The following KCNG2 variants were observed in gnomAD, a reference collection of about 807,000 sequenced individuals.
The protein encoded by KCNG2 is voltage-gated potassium channel regulatory subunit KCNG2.
A neutral mutation model predicts 12.3 loss-of-function variants in KCNG2; 7 were observed. The observed-to-expected ratio is 0.57, with a 90% CI of 0.32 to 1.07. KCNG2 has a LOEUF of 1.07. Ranked by LOEUF, KCNG2 falls within the 50% of genes least tolerant of loss-of-function variation. The probability of loss-of-function intolerance (pLI) is 0.04; values close to 1 mark genes in which losing one functional copy is unlikely to be tolerated. For missense variants in KCNG2, 703 were observed against 726.0 expected (o/e 0.97, Z 0.36); for synonymous variants, 414 against 351.4 (o/e 1.18, Z -1.99).
At chr18:79,806,183 C>T (rs558834197) in intron 1 of KCNG2, among the ~76,000 whole-genome samples, 28 of 152,180 alleles carry the variant, frequency 1.8e-4, no homozygotes, top group Non-Finnish European at 2.9e-4. Flanking sequence ...ATCCAGCCCA[C>T]GAAGCTCACA....
intron 3 of KCNG2, among the ~76,000 whole-genome samples, chr18:79,895,313 T>C (rs1052277778): frequency 3.3e-5 from 5 of 152,044 alleles, no homozygotes; most frequent in African/African-American, 1.2e-4. Flanking sequence ...TCCATTCACA[T>C]TTAATGTTAC....
intron 1 of KCNG2, among the ~76,000 whole-genome samples, chr18:79,842,134 C>A (rs1406402552): frequency 2.6e-5 from 4 of 152,198 alleles, no homozygotes; most frequent in Non-Finnish European, 5.9e-5. Context: ...CAGGCCTACC[C>A]CAGCACAAGG....
intron 1 of KCNG2, among the ~76,000 whole-genome samples, chr18:79,801,357 TC>T (rs2122984649): frequency 6.6e-6 from 1 of 152,300 alleles, no homozygotes; most frequent in African/African-American, 2.4e-5. Context: ...TGCGTCCTCC[TC>T]CCCCGAGGGG....
At position 79,809,407 on chromosome 18, in the gene KCNG2, A is replaced by G. The variant is rs372032831; in HGVS notation, c.-115+11393A>G. On this transcript the variant is annotated intron_variant, in intron 1 of 3. Transcript: ENST00000316249. ...CGCTCTGAGGAGCTGCCGGGGACAC[A>G]CTGACCACACTCCACGTTACGGTCC... is the stretch of plus-strand genomic sequence containing the variant. Among the ~76,000 whole-genome samples, 17 of 140,302 alleles carry G rather than the reference A, an allele frequency of 1.2e-4. No individual in the cohort carries two copies. The East Asian group carries it at 2.3e-3, about 19-fold the overall frequency. The allele number at this position is 140,302 out of a possible 152,430, so 92.0% of individuals were successfully genotyped here. A position where few individuals can be genotyped will look rare whatever the true frequency, so the allele number is the denominator to read the frequency against.
intron 3 of KCNG2, among the ~76,000 whole-genome samples, chr18:79,892,095 A>G (rs1469477141): frequency 6.7e-6 from 1 of 149,048 alleles, no homozygotes; most frequent in East Asian, 2.0e-4. Flanking sequence ...AGCCTGGATG[A>G]CAGAGCAAGA....
At chr18:79,826,570 G>A (rs1349993847) in intron 1 of KCNG2, among the ~76,000 whole-genome samples, 5 of 145,900 alleles carry the variant, frequency 3.4e-5, no homozygotes, top group African/African-American at 7.8e-5. Flanking sequence ...CTCACGGAAG[G>A]TTAAGTTCGG....
intron 1 of KCNG2, among the ~76,000 whole-genome samples, chr18:79,840,930 T>C (rs1978441346): frequency 6.6e-6 from 1 of 152,016 alleles, no homozygotes; most frequent in African/African-American, 2.4e-5. Flanking sequence ...AAAAATTAAC[T>C]CAAAATGGAT....
At chr18:79,898,984 G>T in intron 3 of KCNG2, 56 bp from the exon 4 acceptor site, 1 of 1,323,306 alleles carries the variant, frequency 7.6e-7, no homozygotes, top group Non-Finnish European at 1.0e-6. Context: ...AGGGCAAGGC[G>T]CCCCCGGCCC....
chr18:79,836,377 G>A (rs1978325285), intron 1 of KCNG2, among the ~76,000 whole-genome samples: 1 of 152,158 alleles, frequency 6.6e-6, no homozygotes, highest in Non-Finnish European at 1.5e-5. Context: ...GTGAACCAAA[G>A]GATGACAGAG....
intron 1 of KCNG2, among the ~76,000 whole-genome samples, chr18:79,855,682 G>A (rs528025309): frequency 1.1e-4 from 17 of 151,910 alleles, no homozygotes; most frequent in Non-Finnish European, 1.9e-4. Flanking sequence ...ATCACCCTCC[G>A]TGGAGGGGAC....
At chr18:79,818,922 G>A (rs1017129136) in intron 1 of KCNG2, among the ~76,000 whole-genome samples, 2 of 152,210 alleles carry the variant, frequency 1.3e-5, no homozygotes, top group Admixed American at 6.5e-5. Context: ...CACTGAGCTC[G>A]CCTGTGAGAT....
intron 1 of KCNG2, among the ~76,000 whole-genome samples, chr18:79,842,688 C>T (rs1035105177): frequency 2.6e-5 from 4 of 152,166 alleles, no homozygotes; most frequent in African/African-American, 9.6e-5. Context: ...AAGACCCAAA[C>T]AGAAATTCTG....
At chr18:79,863,240 G>A (rs531816402) in intron 2 of KCNG2, among the ~76,000 whole-genome samples, 2 of 152,364 alleles carry the variant, frequency 1.3e-5, no homozygotes, top group East Asian at 3.9e-4. Flanking sequence ...ACTAAGCTAG[G>A]ACTGCGTCTC....
chr18:79,868,843 G>A (rs916786316), intron 3 of KCNG2, among the ~76,000 whole-genome samples: 12 of 152,232 alleles, frequency 7.9e-5, no homozygotes, highest in Non-Finnish European at 1.0e-4. Flanking sequence ...GCTGAGGGAC[G>A]GCAGTGGGAC....
chr18:79,840,404 C>A (rs557544461), intron 1 of KCNG2, among the ~76,000 whole-genome samples: 34 of 152,158 alleles, frequency 2.2e-4, no homozygotes, highest in African/African-American at 8.2e-4. Context: ...ATGAGTCTAG[C>A]AATACACATA....
chr18:79,897,279 T>G (rs752121741), intron 3 of KCNG2, among the ~76,000 whole-genome samples: 3 of 152,222 alleles, frequency 2.0e-5, no homozygotes, highest in Non-Finnish European at 4.4e-5. Context: ...CTCTCTATTC[T>G]TCAGCATAAT....
chr18:79,846,743 T>C (rs1741370508), intron 1 of KCNG2, among the ~76,000 whole-genome samples: 1 of 152,236 alleles, frequency 6.6e-6, no homozygotes, highest in Non-Finnish European at 1.5e-5. Context: ...TCAGCTGCAG[T>C]CGTATGCTCA....
At chr18:79,864,322 G>A (rs1436572190) in intron 3 of KCNG2, 31 bp downstream of exon 3, 12 of 1,452,022 alleles carry the variant, frequency 8.3e-6, no homozygotes, top group Non-Finnish European at 1.1e-5. Context: ...CGGGGACCGG[G>A]CCGGAGCTGG....
At chr18:79,817,409 G>T (rs759529275) in intron 1 of KCNG2, among the ~76,000 whole-genome samples, 11 of 152,068 alleles carry the variant, frequency 7.2e-5, no homozygotes, top group Non-Finnish European at 1.2e-4. Context: ...CACGTTATCA[G>T]ATGTGCTTGT....
Sources: allele counts gnomAD v4.1 joint callset (sites outside exome capture counted in the v4.1 genomes callset), GRCh38; gene constraint gnomAD v4.1.1; transcripts MANE v1.5; gene names NCBI Gene and HGNC (gene_info 2026-07-23, HGNC 2026-07-21).